Variants in SV2C observed in about 807,000 individuals in gnomAD.
SV2C encodes synaptic vesicle glycoprotein 2C.
Under a neutral mutation model 79.7 loss-of-function variants are expected in SV2C, and 49 were observed. The observed-to-expected ratio is 0.61, with a 90% CI of 0.49 to 0.78. The LOEUF is 0.78. Ranked by LOEUF, SV2C falls within the 30% of genes least tolerant of loss-of-function variation. The pLI is 0.00. For synonymous variants in SV2C, 334 were observed against 333.2 expected (o/e 1.00, Z -0.03); for missense variants, 833 against 912.9 (o/e 0.91, Z 1.13).
At chr5:76,048,969 A>AAGAC in the SV2C span, among the ~76,000 whole-genome samples, 1 of 63,328 alleles carries the variant, frequency 1.6e-5, no homozygotes, top group East Asian at 7.9e-4. Flanking sequence ...GAAAAAGAGA[A>AAGAC]AGAAAGAAAG....
the SV2C span, among the ~76,000 whole-genome samples, chr5:75,897,604 G>A: frequency 6.6e-6 from 1 of 152,304 alleles, no homozygotes; most frequent in African/African-American, 2.4e-5. Flanking sequence ...ATTCTGTGAA[G>A]AAAGTCATTG....
chr5:75,958,910 A>G, the SV2C span, among the ~76,000 whole-genome samples: 1 of 151,958 alleles, frequency 6.6e-6, no homozygotes, highest in African/African-American at 2.4e-5. Context: ...TAAGAGTTCT[A>G]GAACACTTTC....
At chr5:75,972,416 G>A in the SV2C span, among the ~76,000 whole-genome samples, 3 of 151,986 alleles carry the variant, frequency 2.0e-5, no homozygotes, top group Admixed American at 6.6e-5. Flanking sequence ...GAACATTTTT[G>A]CAACCTACTC....
chr5:76,146,358 C>T (rs534931096), intron 2 of SV2C, among the ~76,000 whole-genome samples: 1 of 152,134 alleles, frequency 6.6e-6, no homozygotes. Flanking sequence ...CTGCTGGTTG[C>T]CCATTTTTAT....
At chr5:76,160,703 C>A (rs550684663) in intron 2 of SV2C, among the ~76,000 whole-genome samples, 2 of 152,124 alleles carry the variant, frequency 1.3e-5, no homozygotes, top group African/African-American at 4.8e-5. Context: ...ATAAGACAAC[C>A]CACTTAAAAT....
intron 2 of SV2C, among the ~76,000 whole-genome samples, chr5:76,175,320 C>CA (rs1743489336): frequency 6.6e-6 from 1 of 152,122 alleles, no homozygotes; most frequent in Non-Finnish European, 1.5e-5. Context: ...TACTGTAAAA[C>CA]AAAAGGAAAG....
the SV2C span, among the ~76,000 whole-genome samples, chr5:75,909,717 T>C: frequency 6.6e-6 from 1 of 152,258 alleles, no homozygotes; most frequent in African/African-American, 2.4e-5. Flanking sequence ...TTAACTCCTT[T>C]TTCCTGTAAG....
the SV2C span, chr5:75,910,783 T>G: frequency 7.4e-7 from 1 of 1,354,478 alleles, no homozygotes; most frequent in South Asian, 1.2e-5. Flanking sequence ...ACAGTCATGT[T>G]GGCTGCTATG....
chr5:76,339,587 A>G (rs1338943346), intron 12 of SV2C, among the ~76,000 whole-genome samples: 14 of 151,998 alleles, frequency 9.2e-5, no homozygotes, highest in East Asian at 1.9e-4. Context: ...GGTGGTGGGC[A>G]CCTGTAGTCC....
chr5:76,173,285 A>C lies in SV2C; in HGVS notation c.581-21634A>C, dbSNP rs562090579. ...TAGGATTTACATTATTGTACTCTCC[A>C]ATACAAAGTATGGGGCATGTTAAAG... On this transcript the variant is annotated intron_variant, in intron 2 of 12. Coordinates refer to ENST00000502798, the MANE Select transcript of SV2C (RefSeq NM_014979.4). Among the ~76,000 whole-genome samples, 1,227 of 151,146 alleles carry C rather than the reference A, an allele frequency of 8.1e-3. 16 individuals are homozygous for C. Among genetic ancestry groups the C allele is most frequent in the African/African-American group, 0.028 (1,160 of 41,198 alleles).
intron 12 of SV2C, among the ~76,000 whole-genome samples, chr5:76,351,482 G>A (rs1196987966): frequency 2.0e-5 from 3 of 152,076 alleles, no homozygotes; most frequent in Non-Finnish European, 4.4e-5. Flanking sequence ...GTTCAGTCTG[G>A]GCTAGATAGT....
At chr5:76,101,483 A>T (rs1319120831) in intron 1 of SV2C, among the ~76,000 whole-genome samples, 1 of 152,148 alleles carries the variant, frequency 6.6e-6, no homozygotes, top group Non-Finnish European at 1.5e-5. Context: ...GCACTGCCCC[A>T]GCTGTGGGAG....
At chr5:76,135,147 C>T (rs1047427706) in intron 2 of SV2C, among the ~76,000 whole-genome samples, 2 of 152,116 alleles carry the variant, frequency 1.3e-5, no homozygotes, top group African/African-American at 2.4e-5. Context: ...TGATTAGCTT[C>T]GAGTGGGGAG....
intron 1 of SV2C, among the ~76,000 whole-genome samples, chr5:76,100,632 G>A (rs1339465193): frequency 6.6e-6 from 1 of 152,130 alleles, no homozygotes; most frequent in African/African-American, 2.4e-5. Flanking sequence ...GAGGTGGGTG[G>A]GATCTCAATA....
chr5:76,052,564 T>A, the SV2C span, among the ~76,000 whole-genome samples: 1 of 152,236 alleles, frequency 6.6e-6, no homozygotes, highest in Admixed American at 6.5e-5. Context: ...AGAATGCATG[T>A]CTGTCGTGTT....
rs373379096 is a variant in SV2C, at chr5:76,333,810, G to C, written c.*8263G>C. Reference sequence around the variant, plus strand: ...GGGCATGCTCCATGTGGGATGGCTCGTGTACAGCATAAATCTATCAAACTT... The same window carrying C: ...GGGCATGCTCCATGTGGGATGGCTCCTGTACAGCATAAATCTATCAAACTT... On this transcript the variant is annotated 3_prime_UTR_variant, in exon 13 of 13. Transcript: ENST00000502798. 2.6e-5 allele frequency: 4 copies of C among 152,146 alleles called. No homozygotes were observed. Among genetic ancestry groups the C allele is most frequent in the African/African-American group, 4.8e-5 (2 of 41,412 alleles). The allele number at this position is 152,146 out of a possible 1,614,324, so 9.4% of individuals were successfully genotyped here.
At chr5:76,321,002 A>G (rs1459356062) in intron 12 of SV2C, among the ~76,000 whole-genome samples, 2 of 152,218 alleles carry the variant, frequency 1.3e-5, no homozygotes, top group African/African-American at 4.8e-5. Context: ...GTAACCCACA[A>G]AATCACTGGC....
At chr5:76,256,207 T>G (rs1746261022) in intron 4 of SV2C, among the ~76,000 whole-genome samples, 1 of 152,120 alleles carries the variant, frequency 6.6e-6, no homozygotes, top group East Asian at 1.9e-4. Flanking sequence ...ATCTGTCCCC[T>G]GGGGGAGTAC....
intron 3 of SV2C, among the ~76,000 whole-genome samples, chr5:76,200,501 T>C (rs114753452): frequency 0.026 from 3,958 of 152,346 alleles, 61 homozygotes; most frequent in Middle Eastern, 0.061. Context: ...ATCCAAGGTT[T>C]ACCTGTCTGT....
Sources: gnomAD v4.1 joint callset for allele counts (sites outside exome capture counted in the v4.1 genomes callset) on GRCh38, gnomAD v4.1.1 for gene constraint, MANE v1.5 for transcripts, NCBI Gene and HGNC (gene_info 2026-07-23, HGNC 2026-07-21) for gene names.